TAFA2: variants seen among roughly 807,000 people sequenced by gnomAD.
TAFA2 encodes TAFA chemokine like family member 2, also known as chemokine-like protein TAFA-2.
In TAFA2, 7 loss-of-function variants were observed where a neutral mutation model predicts 18.8. The observed-to-expected ratio is 0.37, with a 90% confidence interval of 0.21 to 0.70. The LOEUF (loss-of-function observed/expected upper bound fraction) is 0.70, where lower values mean the gene tolerates loss of function less well. Ranked by LOEUF, TAFA2 falls within the 30% of genes least tolerant of loss-of-function variation. The pLI, the probability that TAFA2 is intolerant of heterozygous loss-of-function variation, is 0.53. For synonymous variants in TAFA2, 60 were observed against 54.2 expected (o/e 1.11, Z -0.47); for missense variants, 122 against 158.1 (o/e 0.77, Z 1.23).
intron 4 of TAFA2, among the ~76,000 whole-genome samples, chr12:61,739,325 T>A (rs548279895): frequency 9.2e-5 from 14 of 152,010 alleles, no homozygotes; most frequent in Non-Finnish European, 1.8e-4. Context: ...GTGGGTGAAA[T>A]GGAGAATCAA....
At chr12:61,813,798 T>C (rs1871969315) in intron 2 of TAFA2, among the ~76,000 whole-genome samples, 1 of 151,534 alleles carries the variant, frequency 6.6e-6, no homozygotes, top group Non-Finnish European at 1.5e-5. Flanking sequence ...TACTTTTTGG[T>C]GTCTCAGTCT....
At chr12:62,165,929 TCTCTCTCTCTCA>T (rs2062435572) in intron 1 of TAFA2, among the ~76,000 whole-genome samples, 1 of 120,358 alleles carries the variant, frequency 8.3e-6, no homozygotes, top group Admixed American at 8.8e-5. Flanking sequence ...CCTCTCTCTC[TCTCTCTCTCTCA>T]CACACACACA....
chr12:62,033,960 T>C (rs1231347427), intron 1 of TAFA2, among the ~76,000 whole-genome samples: 3 of 152,200 alleles, frequency 2.0e-5, no homozygotes, highest in African/African-American at 7.2e-5. Context: ...TTTTTGTAGT[T>C]CAAAAATGGC....
At position 61,817,928 on chromosome 12, in the gene TAFA2, T is replaced by C. The variant is rs191492409; in HGVS notation, c.106+49392A>G. Among the ~76,000 whole-genome samples the C allele has an allele frequency of 1.7e-3, 262 of 152,266 alleles. 1 individual carries two copies. Among genetic ancestry groups the C allele is most frequent in the South Asian group, 0.013 (65 of 4,820 alleles). On this transcript the variant is annotated intron_variant, in intron 2 of 4. Transcript: ENST00000416284. ...CACAGGGATGGCTCTAGGGAGCCTC[T>C]GCTATTCAGTTACCTTCACTCCTTG...
intron 2 of TAFA2, among the ~76,000 whole-genome samples, chr12:61,766,769 A>G (rs1869809920): frequency 1.3e-5 from 2 of 152,156 alleles, no homozygotes; most frequent in African/African-American, 4.8e-5. Context: ...AAATAAAAAC[A>G]GTAAATTTAA....
intron 1 of TAFA2, chr12:61,879,964 G>A (rs1239991203): frequency 1.2e-6 from 1 of 867,026 alleles, no homozygotes; most frequent in East Asian, 2.4e-5. Context: ...AGTCTCACCT[G>A]GAAGGGCTGA....
chr12:61,751,284 T>A (rs569661908), intron 4 of TAFA2, among the ~76,000 whole-genome samples: 1 of 152,090 alleles, frequency 6.6e-6, no homozygotes, highest in Non-Finnish European at 1.5e-5. Flanking sequence ...TTTGCCCAAA[T>A]TGTTTGGTGG....
chr12:62,070,824 A>T (rs961180276), intron 1 of TAFA2, among the ~76,000 whole-genome samples: 1 of 152,136 alleles, frequency 6.6e-6, no homozygotes, highest in Non-Finnish European at 1.5e-5. Context: ...TGCAGGGGAC[A>T]GTGTCTGGTT....
At chr12:61,897,072 A>C (rs1216095679) in intron 1 of TAFA2, among the ~76,000 whole-genome samples, 1 of 152,206 alleles carries the variant, frequency 6.6e-6, no homozygotes, top group African/African-American at 2.4e-5. Context: ...GCAAAATAAT[A>C]AGACAAATAT....
intron 1 of TAFA2, chr12:61,890,244 C>T (rs560724747): frequency 8.5e-5 from 13 of 152,354 alleles, no homozygotes; most frequent in African/African-American, 2.4e-4. Flanking sequence ...GTGACCCCAC[C>T]GTGTTTGCAT....
intron 1 of TAFA2, among the ~76,000 whole-genome samples, chr12:62,022,693 G>A (rs1485765281): frequency 6.6e-6 from 1 of 152,080 alleles, no homozygotes; most frequent in Non-Finnish European, 1.5e-5. Flanking sequence ...ACATATTCTT[G>A]TCTGCTCTTA....
In TAFA2 at chr12:61,946,212, T is replaced by A. The variant is rs1427184580; in HGVS notation, c.-1-78786A>T. ...AGAAAAACAAGCAATGGGGAAAGGA[T>A]TCCCTATTTAATAAATGGTGCTGGG... On this transcript the variant is annotated intron_variant, in intron 1 of 4. Coordinates refer to ENST00000416284, the MANE Select transcript of TAFA2 (RefSeq NM_178539.5). Among the ~76,000 whole-genome samples the A allele has an allele frequency of 2.7e-5, 4 of 150,724 alleles. No homozygotes were observed. In the East Asian group the frequency reaches 5.9e-4, roughly 22 times the overall value.
chr12:62,085,464 T>G (rs560267256), intron 1 of TAFA2, among the ~76,000 whole-genome samples: 20 of 152,250 alleles, frequency 1.3e-4, no homozygotes, highest in Middle Eastern at 3.4e-3. Context: ...CAATATTAAT[T>G]AAATTAATTA....
chr12:62,201,397 T>C (rs1225928486), intron 1 of TAFA2, among the ~76,000 whole-genome samples: 1 of 152,210 alleles, frequency 6.6e-6, no homozygotes, highest in Non-Finnish European at 1.5e-5. Context: ...TCTTTTTATT[T>C]TGAGGTATGT....
intron 1 of TAFA2, among the ~76,000 whole-genome samples, chr12:62,064,570 C>G (rs1452639395): frequency 1.3e-5 from 2 of 152,056 alleles, no homozygotes; most frequent in Non-Finnish European, 2.9e-5. Context: ...TTTCAAATTT[C>G]CTCCAGAACC....
intron 1 of TAFA2, among the ~76,000 whole-genome samples, chr12:62,221,495 G>C (rs1426418001): frequency 6.6e-6 from 1 of 152,108 alleles, no homozygotes; most frequent in Admixed American, 6.5e-5. Context: ...AGTGCTATTA[G>C]TTCAGGGAAA....
intron 1 of TAFA2, among the ~76,000 whole-genome samples, chr12:61,960,835 T>A (rs996563642): frequency 2.6e-5 from 4 of 151,954 alleles, no homozygotes; most frequent in African/African-American, 9.7e-5. Context: ...AACTAAACAT[T>A]TATAACATCT....
chr12:62,246,975 A>T (rs2062889572), intron 1 of TAFA2, among the ~76,000 whole-genome samples: 1 of 152,140 alleles, frequency 6.6e-6, no homozygotes, highest in Non-Finnish European at 1.5e-5. Flanking sequence ...AACAAGTCAA[A>T]TTAATCTATT....
intron 1 of TAFA2, among the ~76,000 whole-genome samples, chr12:61,873,980 T>A (rs890064217): frequency 2.6e-5 from 4 of 152,168 alleles, no homozygotes; most frequent in Non-Finnish European, 5.9e-5. Flanking sequence ...CATATAATCA[T>A]GTATGTTGTG....
Sources: gnomAD v4.1 joint callset for allele counts (sites outside exome capture counted in the v4.1 genomes callset) on GRCh38, gnomAD v4.1.1 for gene constraint, MANE v1.5 for transcripts, NCBI Gene and HGNC (gene_info 2026-07-23, HGNC 2026-07-21) for gene names.